The following ZNF804B variants were observed in gnomAD, a reference collection of about 807,000 sequenced individuals.
ZNF804B encodes the protein zinc finger protein 804B.
A neutral mutation model predicts 101.4 loss-of-function variants in ZNF804B; 80 were observed. The ratio of observed to expected loss-of-function variants is 0.79; its 90% CI spans 0.66 to 0.95. The LOEUF (loss-of-function observed/expected upper bound fraction) is 0.95, where lower values mean the gene tolerates loss of function less well. Among genes scored for constraint, ZNF804B ranks in the 40% least tolerant of loss-of-function variants. The probability of loss-of-function intolerance (pLI) is 0.00; values close to 1 mark genes in which losing one functional copy is unlikely to be tolerated. For missense variants in ZNF804B, 1,673 were observed against 1,561.9 expected, an observed-to-expected ratio of 1.07 and a Z score of -1.20; for synonymous variants, 622 against 558.8, an observed-to-expected ratio of 1.11 and a Z score of -1.59.
chr7:89,278,892 T>G (rs1255262922), intron 2 of ZNF804B, among the ~76,000 whole-genome samples: 6 of 152,064 alleles, frequency 3.9e-5, no homozygotes, highest in Middle Eastern at 3.2e-3. Context: ...GTGAAGAAAG[T>G]CATTGGTAGC....
intron 2 of ZNF804B, among the ~76,000 whole-genome samples, chr7:89,228,099 C>T (rs920470116): frequency 6.6e-6 from 1 of 152,004 alleles, no homozygotes; most frequent in Non-Finnish European, 1.5e-5. Flanking sequence ...GGTGGCACGT[C>T]TGGAGTTTGT....
At chr7:88,928,310 C>T (rs1020064358) in intron 1 of ZNF804B, among the ~76,000 whole-genome samples, 3 of 152,110 alleles carry the variant, frequency 2.0e-5, no homozygotes, top group African/African-American at 7.2e-5. Context: ...CTTGCTTCCA[C>T]CTGAGCTCTA....
chr7:89,287,632 T>C (rs1790225190), intron 2 of ZNF804B, among the ~76,000 whole-genome samples: 1 of 152,174 alleles, frequency 6.6e-6, no homozygotes, highest in African/African-American at 2.4e-5. Flanking sequence ...AGGCCTTGGC[T>C]AACTTTTGAG....
intron 1 of ZNF804B, among the ~76,000 whole-genome samples, chr7:89,216,638 C>T (rs1193019823): frequency 6.6e-6 from 1 of 152,176 alleles, no homozygotes; most frequent in Non-Finnish European, 1.5e-5. Flanking sequence ...TTAATGGTAT[C>T]ATTCCCTTCT....
At chr7:88,829,126 C>T (rs1421000476) in intron 1 of ZNF804B, among the ~76,000 whole-genome samples, 1 of 151,982 alleles carries the variant, frequency 6.6e-6, no homozygotes, top group Non-Finnish European at 1.5e-5. Flanking sequence ...TCTCTGTCAC[C>T]CAGGCTGGGG....
At chr7:89,287,597 A>G (rs1790224834) in intron 2 of ZNF804B, among the ~76,000 whole-genome samples, 1 of 152,320 alleles carries the variant, frequency 6.6e-6, no homozygotes, top group Middle Eastern at 3.4e-3. Context: ...ACTCTAGAAG[A>G]CTGGATAGGA....
At chr7:88,812,281 A>G (rs1790802164) in intron 1 of ZNF804B, among the ~76,000 whole-genome samples, 1 of 152,190 alleles carries the variant, frequency 6.6e-6, no homozygotes, top group Admixed American at 6.5e-5. Flanking sequence ...ATTTCTGGTA[A>G]TATAGTGTCC....
intron 1 of ZNF804B, among the ~76,000 whole-genome samples, chr7:88,947,242 A>C (rs1035989842): frequency 1.3e-5 from 2 of 152,066 alleles, no homozygotes; most frequent in African/African-American, 4.8e-5. Flanking sequence ...ACTGTTCACA[A>C]TAGCAAAGAC....
At chr7:88,978,597 T>C (rs374698011) in intron 1 of ZNF804B, among the ~76,000 whole-genome samples, 8 of 151,954 alleles carry the variant, frequency 5.3e-5, no homozygotes, top group African/African-American at 1.9e-4. Flanking sequence ...TATGTGTGTC[T>C]TTCTAGGTGA....
In ZNF804B at chr7:88,759,914, C is replaced by T; in HGVS notation, c.-63C>T. 6.8e-7 allele frequency: 1 copy of T among 1,466,120 alleles called. No homozygotes were observed. Among genetic ancestry groups the T allele is most frequent in the Non-Finnish European group, 9.5e-7 (1 of 1,049,566 alleles). The allele number at this position is 1,466,120 out of a possible 1,614,324, so 90.8% of individuals were successfully genotyped here. The stretch of plus-strand genomic sequence containing the variant: ...GTCGCTGTTGCCGCTGAGAAACCCG[C>T]CCGCTTTCCACGGCTGGTCGCCTGG... On this transcript the variant is annotated 5_prime_UTR_variant, in exon 1 of 4. Coordinates refer to ENST00000333190, the MANE Select transcript of ZNF804B (RefSeq NM_181646.5).
intron 1 of ZNF804B, among the ~76,000 whole-genome samples, chr7:89,046,051 G>A (rs1413751925): frequency 3.9e-5 from 6 of 152,000 alleles, no homozygotes; most frequent in Non-Finnish European, 5.9e-5. Flanking sequence ...TCATGGAGAC[G>A]TTACCCCCAT....
At chr7:88,887,882 T>C (rs1792154408) in intron 1 of ZNF804B, among the ~76,000 whole-genome samples, 1 of 152,118 alleles carries the variant, frequency 6.6e-6, no homozygotes, top group Non-Finnish European at 1.5e-5. Context: ...TTACATTTGC[T>C]TATATATGTA....
At chr7:89,163,637 A>G (rs2116423334) in intron 1 of ZNF804B, among the ~76,000 whole-genome samples, 1 of 152,132 alleles carries the variant, frequency 6.6e-6, no homozygotes. Flanking sequence ...AAAAGCAGTT[A>G]TAACGGAAAC....
At chr7:89,250,102 G>T (rs1347537847) in intron 2 of ZNF804B, among the ~76,000 whole-genome samples, 1 of 151,992 alleles carries the variant, frequency 6.6e-6, no homozygotes, top group East Asian at 1.9e-4. Flanking sequence ...GGAGAGAACT[G>T]CTTGAACCCA....
intron 1 of ZNF804B, among the ~76,000 whole-genome samples, chr7:88,856,127 T>C (rs1791552765): frequency 6.6e-6 from 1 of 152,190 alleles, no homozygotes; most frequent in African/African-American, 2.4e-5. Context: ...AGTAGTTTTT[T>C]CCAATTCTGT....
chr7:88,940,536 G>A (rs1355405864), intron 1 of ZNF804B, among the ~76,000 whole-genome samples: 5 of 151,868 alleles, frequency 3.3e-5, no homozygotes, highest in Admixed American at 6.6e-5. Flanking sequence ...GTTTGAGGAC[G>A]AGGCAGGAGG....
At chr7:88,825,250 C>T (rs1206409085) in intron 1 of ZNF804B, among the ~76,000 whole-genome samples, 1 of 152,098 alleles carries the variant, frequency 6.6e-6, no homozygotes, top group African/African-American at 2.4e-5. Flanking sequence ...AGCTAGAGGT[C>T]CTGGCAGTGG....
intron 1 of ZNF804B, among the ~76,000 whole-genome samples, chr7:89,066,680 A>C (rs991934629): frequency 1.4e-4 from 22 of 152,142 alleles, no homozygotes; most frequent in African/African-American, 4.3e-4. Context: ...GCAGCCAAAA[A>C]TTGTATAGAA....
At chr7:88,896,449 G>A (rs1459221165) in intron 1 of ZNF804B, among the ~76,000 whole-genome samples, 1 of 152,110 alleles carries the variant, frequency 6.6e-6, no homozygotes, top group African/African-American at 2.4e-5. Flanking sequence ...ATTACTTCTG[G>A]CAGGGGAGGG....
Sources: allele counts gnomAD v4.1 joint callset (sites outside exome capture counted in the v4.1 genomes callset), GRCh38; gene constraint gnomAD v4.1.1; transcripts MANE v1.5; gene names NCBI Gene and HGNC (gene_info 2026-07-23, HGNC 2026-07-21).